DDX51: variants seen among roughly 807,000 people sequenced by gnomAD.
DDX51 encodes the protein ATP-dependent RNA helicase DDX51.
In DDX51, 67 loss-of-function variants were observed where a neutral mutation model predicts 74.6. The observed-to-expected ratio is 0.90, with a 90% CI of 0.74 to 1.10. The LOEUF is 1.10. DDX51 is among the 50% of genes least tolerant of loss of function. The probability of loss-of-function intolerance (pLI) is 0.00; values close to 1 mark genes in which losing one functional copy is unlikely to be tolerated. For missense variants in DDX51, 1,056 were observed against 905.2 expected (o/e 1.17, Z -2.14); for synonymous variants, 545 against 402.9 (o/e 1.35, Z -4.22).
chr12:132,140,267 C>CG (rs942070775), intron 11 of DDX51, 68 bp from the exon 12 acceptor site: 48 of 1,574,960 alleles, frequency 3.0e-5, no homozygotes, highest in Non-Finnish European at 3.9e-5. Flanking sequence ...ACCGGCCCTG[C>CG]GGGGGGCAGC....
At chr12:132,143,430 G>A (rs1776889074) in intron 2 of DDX51, 2 of 567,798 alleles carry the variant, frequency 3.5e-6, no homozygotes, top group Non-Finnish European at 6.1e-6. Context: ...GCGCACAGCA[G>A]GAAACCCCGC....
intron 14 of DDX51, 28 bp from the exon 15 acceptor site, chr12:132,139,326 C>G (rs1042727325): frequency 8.7e-6 from 14 of 1,604,790 alleles, no homozygotes; most frequent in Non-Finnish European, 1.2e-5. Flanking sequence ...GGGCTCAGCA[C>G]CACACACTCT....
At position 132,143,683 on chromosome 12, in the gene DDX51, GCCGAGGC is replaced by G; in HGVS notation, c.519+5_519+11del. ...TCTCACGCCGACCACCCTCCCGCCC[GCCGAGGC>G]TCACCTTCGGCGCCTTCCTCTTCCC... is the stretch of plus-strand genomic sequence containing the variant. On this transcript the variant is annotated splice_donor_5th_base_variant and intron_variant, in intron 2 of 14. Coordinates refer to ENST00000397333, the MANE Select transcript of DDX51 (RefSeq NM_175066.4). The G allele has an allele frequency of 6.5e-7, 1 of 1,536,738 alleles. No individual in the cohort carries two copies. Among genetic ancestry groups the G allele is most frequent in the Non-Finnish European group, 8.7e-7 (1 of 1,144,512 alleles).
At chr12:132,142,078 G>C (rs1396370368) in intron 5 of DDX51, 41 bp downstream of exon 5, 1 of 1,565,408 alleles carries the variant, frequency 6.4e-7, no homozygotes, top group East Asian at 2.2e-5. Flanking sequence ...CAGGGAAGCT[G>C]AGGCGGGCGG....
intron 8 of DDX51, 63 bp from the exon 9 acceptor site, chr12:132,141,083 G>C: frequency 1.3e-6 from 2 of 1,538,874 alleles, no homozygotes; most frequent in South Asian, 2.5e-5. Context: ...CCAGGGAACA[G>C]GATTCCTCAT....
chr12:132,141,563 G>A lies in DDX51; in HGVS notation c.1039C>T (p.Pro347Ser), dbSNP rs755175460. Reference protein sequence around the residue: ...RCLADIVVATPGRLVDHIDQT... With the variant: ...RCLADIVVATSGRLVDHIDQT... ...TCGATGTGGTCCACCAGGCGGCCGG[G>A]GGTGGCTACCACGATGTCAGCCAAG... Residue 347 changes from proline to serine, a missense_variant, in exon 7 of 15, where the codon CCC becomes TCC. Pro to Ser is a moderately conservative substitution (Grantham distance 74). Transcript: ENST00000397333. The A allele has an allele frequency of 2.5e-6, 4 of 1,604,450 alleles. No homozygotes were observed. The East Asian group carries it at 8.9e-5, about 36-fold the overall frequency.
chr12:132,142,067 G>C, intron 5 of DDX51, 52 bp downstream of exon 5: 1 of 1,576,898 alleles, frequency 6.3e-7, no homozygotes, highest in Non-Finnish European at 8.6e-7. Flanking sequence ...TGTGCACTCA[G>C]CAGGGAAGCT....
Position 132,143,984 on chromosome 12 carries a change from G to A in DDX51, c.304+9C>T, listed in dbSNP as rs1897594662. The stretch of plus-strand genomic sequence containing the variant: ...GCCCCAGAGGGAGCCCGCTCGCCCC[G>A]CGGCCCACCTGCGCCCGCGTCCTCG... On this transcript the variant is annotated intron_variant, in intron 1 of 14. Transcript: ENST00000397333. 2.8e-6 allele frequency: 4 copies of A among 1,412,522 alleles called. No homozygotes were observed. Among genetic ancestry groups the A allele is most frequent in the Non-Finnish European group, 3.7e-6 (4 of 1,090,202 alleles). 87.5% of individuals were successfully genotyped at this position (1,412,522 alleles called of 1,614,324 possible).
In DDX51 at chr12:132,140,874, C is replaced by T. The variant is rs767131732; in HGVS notation, c.1397G>A (p.Gly466Glu). ...GGCATACTTCCCCGAATCCCCGTCCCCATCTGTATCTTCCAGGCCCCTGTG... is the reference window on the plus strand; with the variant it reads ...GGCATACTTCCCCGAATCCCCGTCCTCATCTGTATCTTCCAGGCCCCTGTG... ...LAHRGLEDTDGDGDSGKYAFP... is the reference protein window; with the variant it reads ...LAHRGLEDTDEDGDSGKYAFP... The change falls in exon 9 of 15, where the codon GGG becomes GAG. Residue 466 changes from glycine to glutamate, a missense_variant. Coordinates refer to ENST00000397333, the MANE Select transcript of DDX51 (RefSeq NM_175066.4). 84 of 1,613,512 alleles carry T rather than the reference C, an allele frequency of 5.2e-5. No individual in the cohort carries two copies. The highest frequency in any genetic ancestry group is 5.9e-5 in the Non-Finnish European group (70 of 1,180,006).
At position 132,137,472 on chromosome 12, in the gene DDX51, T is replaced by C. The variant is rs1897292831; in HGVS notation, c.*1800A>G. On this transcript the variant is annotated 3_prime_UTR_variant, in exon 15 of 15. Transcript: ENST00000397333. ...TTACCCCGTCTACCTAAATCATTTC[T>C]TTCTGCCTCCTGTAACAGTCGCCTT... The C allele has an allele frequency of 6.6e-6, 1 of 152,280 alleles. No homozygotes were observed. Among genetic ancestry groups the C allele is most frequent in the Non-Finnish European group, 1.5e-5 (1 of 68,060 alleles). 9.4% of individuals were successfully genotyped at this position (152,280 alleles called of 1,614,324 possible).
intron 12 of DDX51, 55 bp from the exon 13 acceptor site, chr12:132,139,979 CG>C: frequency 1.2e-6 from 2 of 1,611,076 alleles, no homozygotes; most frequent in Non-Finnish European, 1.7e-6. Flanking sequence ...AAGAGTCTGA[CG>C]GAACGACAGC....
rs1249606337 is a variant in DDX51 at position 132,143,719 on chromosome 12, C to T, written c.495G>A (p.Gly165=). Residue 165 remains glycine, a synonymous_variant, in exon 2 of 15, where the codon GGG becomes GGA. Coordinates refer to ENST00000397333, the MANE Select transcript of DDX51 (RefSeq NM_175066.4). ...CCTTCGGCGCCTTCCTCTTCCCGAA[C>T]CCCCCCAGCACCAGGCCGGGGACCA... ...GPLVPGLVLG[G]FGKRKAPKVQ... 8 of 1,537,690 alleles carry T rather than the reference C, an allele frequency of 5.2e-6. No homozygotes were observed. The highest frequency in any genetic ancestry group is 1.7e-4 in the Middle Eastern group (1 of 5,892).
At position 132,141,310 on chromosome 12, in the gene DDX51, G is replaced by A. The variant is rs776807441; in HGVS notation, c.1215C>T (p.Leu405=). ...TCACAGCCTGGGCCTGCCTTCGCTGGAGCAGGGCACAGGGGTCCGCGGGGT... is the reference window on the plus strand; with the variant it reads ...TCACAGCCTGGGCCTGCCTTCGCTGAAGCAGGGCACAGGGGTCCGCGGGGT... The part of the protein sequence containing the change: ...SEDPADPCAL[L]QRRQAQAVTA... The change falls in exon 8 of 15, where the codon CTC becomes CTT. Residue 405 remains leucine, a synonymous_variant. Coordinates refer to ENST00000397333, the MANE Select transcript of DDX51 (RefSeq NM_175066.4). 1.8e-5 allele frequency: 29 copies of A among 1,598,156 alleles called. No individual in the cohort carries two copies. The South Asian group carries it at 2.1e-4, about 12-fold the overall frequency.
chr12:132,139,167 C>T lies in DDX51; in HGVS notation c.*105G>A, dbSNP rs915247722. 1.5e-5 allele frequency: 22 copies of T among 1,492,930 alleles called. No individual in the cohort carries two copies. The allele number at this position is 1,492,930 out of a possible 1,614,324, so 92.5% of individuals were successfully genotyped here. ...TGCTTGGGGAGGAAGGCTGTGTCCA[C>T]TGGGGGATTCCTTTCCTCACATACA... On this transcript the variant is annotated 3_prime_UTR_variant, in exon 15 of 15. Coordinates refer to ENST00000397333, the MANE Select transcript of DDX51 (RefSeq NM_175066.4).
At position 132,140,931 on chromosome 12, in the gene DDX51, T is replaced by A. The variant is rs201756806; in HGVS notation, c.1340A>T (p.His447Leu). Reference protein sequence around the residue: ...NPEKLQQLGLHQPRLFSTGLA... With the variant: ...NPEKLQQLGLLQPRLFSTGLA... ...CCCTGTGGAGAAAAGCCGGGGCTGG[T>A]GGAGGCCCAGCTGCTGCAGCTTTTC... The change falls in exon 9 of 15, where the codon CAC (histidine) becomes CTC (leucine). Residue 447 changes from histidine to leucine, a missense_variant. Transcript: ENST00000397333. 1.7e-5 allele frequency: 27 copies of A among 1,613,146 alleles called. No homozygotes were observed. Among genetic ancestry groups the A allele is most frequent in the Non-Finnish European group, 2.3e-5 (27 of 1,179,926 alleles).
At position 132,141,870 on chromosome 12, in the gene DDX51, C is replaced by G; in HGVS notation, c.975G>C (p.Gln325His). The part of the protein sequence containing the change: ...VTGQKSLAKE[Q>H]ESLVQKTADG... ...CCTACGTTTTCTGGACGAGGCTCTC[C>G]TGCTCCTTGGCCAGAGACTTCTGTC... is the stretch of plus-strand genomic sequence containing the variant. Residue 325 changes from glutamine (Q) to histidine (H), a missense_variant, in exon 6 of 15, where the codon CAG becomes CAC. Coordinates refer to ENST00000397333, the MANE Select transcript of DDX51 (RefSeq NM_175066.4). 1 of 1,613,188 alleles carries G rather than the reference C, an allele frequency of 6.2e-7. No homozygotes were observed. The highest frequency in any genetic ancestry group is 1.3e-5 in the African/African-American group (1 of 75,066).
intron 8 of DDX51, 104 bp from the exon 9 acceptor site, chr12:132,141,124 G>A (rs747592398): frequency 3.3e-6 from 5 of 1,496,658 alleles, no homozygotes; most frequent in South Asian, 1.3e-5. Context: ...CCGCAGACCA[G>A]GAGCAAGGTG....
At position 132,142,208 on chromosome 12, in the gene DDX51, C is replaced by G. The variant is rs1897492570; in HGVS notation, c.817-18G>C. 1 of 1,579,710 alleles carries G rather than the reference C, an allele frequency of 6.3e-7. No homozygotes were observed. On this transcript the variant is annotated intron_variant, in intron 4 of 14. Transcript: ENST00000397333. ...AGCAGGGCCTGAGGGGGAAGGAGCG[C>G]CTGCGTCAGCAAGGCTGTTACCTGT... is the stretch of plus-strand genomic sequence containing the variant.
Position 132,142,567 on chromosome 12 carries a change from C to T in DDX51, c.671-145G>A, listed in dbSNP as rs1897508424. The T allele has an allele frequency of 6.1e-6, 9 of 1,466,030 alleles. No homozygotes were observed. In the South Asian group the frequency reaches 6.8e-5, roughly 11 times the overall value. 90.8% of individuals were successfully genotyped at this position (1,466,030 alleles called of 1,614,324 possible). A position where few individuals can be genotyped will look rare whatever the true frequency, so the allele number is the denominator to read the frequency against. On this transcript the variant is annotated intron_variant, in intron 3 of 14. Coordinates refer to ENST00000397333, the MANE Select transcript of DDX51 (RefSeq NM_175066.4). The stretch of plus-strand genomic sequence containing the variant: ...GGGATGGCACCAAGGCCCAGAGGAA[C>T]GCCAGCCTCAGGAGACCCAAGTGGG...
Sources: allele counts gnomAD v4.1 joint callset, GRCh38; gene constraint gnomAD v4.1.1; transcripts MANE v1.5; gene names NCBI Gene and HGNC (gene_info 2026-07-23, HGNC 2026-07-21).